Variants in GREM2 observed in about 807,000 individuals in gnomAD.
The protein encoded by GREM2 is gremlin-2.
A neutral mutation model predicts 14.2 loss-of-function variants in GREM2; 11 were observed. That is an observed-to-expected ratio of 0.78 (90% CI 0.49 to 1.28). GREM2 has a LOEUF of 1.28. Ranked by LOEUF, GREM2 falls within the 50% of genes most tolerant of loss-of-function variation. The pLI is 0.00. For synonymous variants in GREM2, 98 were observed against 97.6 expected, an observed-to-expected ratio of 1.00 and a Z score of -0.02; for missense variants, 210 against 218.5, an observed-to-expected ratio of 0.96 and a Z score of 0.24.
chr1:240,505,916 G>T (rs892803120), intron 1 of GREM2, among the ~76,000 whole-genome samples: 4 of 151,692 alleles, frequency 2.6e-5, no homozygotes, highest in African/African-American at 9.7e-5. Flanking sequence ...TATAATAGTG[G>T]GTATAAAATA....
chr1:240,575,925 G>C (rs1269757495), intron 1 of GREM2, among the ~76,000 whole-genome samples: 1 of 151,594 alleles, frequency 6.6e-6, no homozygotes, highest in Non-Finnish European at 1.5e-5. Context: ...AAAGATGGAG[G>C]GGGAGGGAAG....
chr1:240,501,732 G>C (rs1269718755), intron 1 of GREM2, among the ~76,000 whole-genome samples: 1 of 152,082 alleles, frequency 6.6e-6, no homozygotes, highest in Non-Finnish European at 1.5e-5. Context: ...TTGTGACCCC[G>C]TGTGACTCAC....
intron 1 of GREM2, among the ~76,000 whole-genome samples, chr1:240,555,077 A>C (rs1323619960): frequency 6.6e-6 from 1 of 152,090 alleles, no homozygotes; most frequent in Non-Finnish European, 1.5e-5. Flanking sequence ...CCCGGGAGGC[A>C]TGGGTTGCAG....
chr1:240,570,676 A>T (rs1174060150), intron 1 of GREM2, among the ~76,000 whole-genome samples: 3 of 152,206 alleles, frequency 2.0e-5, no homozygotes, highest in Non-Finnish European at 4.4e-5. Context: ...GTGAGAAGGG[A>T]ACTCATTTGG....
At chr1:240,505,598 C>CT (rs894224315) in intron 1 of GREM2, among the ~76,000 whole-genome samples, 16 of 151,774 alleles carry the variant, frequency 1.1e-4, no homozygotes, top group South Asian at 4.2e-4. Flanking sequence ...ATATTTATGC[C>CT]TTTTTTTATC....
intron 1 of GREM2, among the ~76,000 whole-genome samples, chr1:240,518,850 C>T (rs1678011863): frequency 6.6e-6 from 1 of 152,190 alleles, no homozygotes; most frequent in African/African-American, 2.4e-5. Context: ...TCTCAAAGTA[C>T]ATATTGTCTT....
intron 1 of GREM2, among the ~76,000 whole-genome samples, chr1:240,532,338 C>A (rs1378693206): frequency 1.3e-5 from 2 of 152,134 alleles, no homozygotes; most frequent in Admixed American, 1.3e-4. Context: ...CCTGCCTCGG[C>A]CTCCCAAAGT....
chr1:240,577,824 C>T (rs1362128099), intron 1 of GREM2, among the ~76,000 whole-genome samples: 2 of 152,182 alleles, frequency 1.3e-5, no homozygotes, highest in Non-Finnish European at 2.9e-5. Context: ...TGGAAATTCA[C>T]AATGAAAATA....
intron 1 of GREM2, among the ~76,000 whole-genome samples, chr1:240,519,404 T>C (rs780135760): frequency 6.6e-6 from 1 of 152,044 alleles, no homozygotes; most frequent in Admixed American, 6.6e-5. Context: ...GCTTCATCTC[T>C]ATCCTGGTAA....
intron 1 of GREM2, among the ~76,000 whole-genome samples, chr1:240,577,628 G>A (rs150473738): frequency 1.3e-5 from 2 of 152,280 alleles, no homozygotes; most frequent in African/African-American, 2.4e-5. Context: ...ATCATGAAAC[G>A]TATTTCTTTG....
chr1:240,517,487 A>G (rs1267320925), intron 1 of GREM2, among the ~76,000 whole-genome samples: 1 of 152,226 alleles, frequency 6.6e-6, no homozygotes, highest in Non-Finnish European at 1.5e-5. Context: ...ATACAAGGAG[A>G]ACTGAACTTC....
intron 1 of GREM2, among the ~76,000 whole-genome samples, chr1:240,525,357 G>A (rs1678197920): frequency 6.6e-6 from 1 of 152,152 alleles, no homozygotes; most frequent in Non-Finnish European, 1.5e-5. Flanking sequence ...TCTCAGCCTG[G>A]AGCCATGAGG....
In GREM2 at chr1:240,591,475, G is replaced by A. The variant is rs73115518; in HGVS notation, c.-2+20409C>T. On this transcript the variant is annotated intron_variant, in intron 1 of 1. Transcript: ENST00000318160. ...GGGCTGGTGTTGAGGAGGCCCATGT[G>A]TACAGAAGAGCTTACGTCTTTGGTA... Among the ~76,000 whole-genome samples, 1,362 of 152,324 alleles carry A rather than the reference G, an allele frequency of 8.9e-3. 19 individuals are homozygous for A. The highest frequency in any genetic ancestry group is 0.031 in the African/African-American group (1,297 of 41,580).
chr1:240,585,687 G>A (rs1679584193), intron 1 of GREM2, among the ~76,000 whole-genome samples: 1 of 133,556 alleles, frequency 7.5e-6, no homozygotes, highest in African/African-American at 2.9e-5. Flanking sequence ...CCGAGGTCAT[G>A]CCACTGTATT....
intron 1 of GREM2, among the ~76,000 whole-genome samples, chr1:240,520,488 A>G (rs1249746175): frequency 2.0e-5 from 3 of 152,228 alleles, no homozygotes; most frequent in Non-Finnish European, 4.4e-5. Context: ...GATGTTTCAT[A>G]AAAGTGTCTT....
intron 1 of GREM2, among the ~76,000 whole-genome samples, chr1:240,593,388 C>T (rs1571948131): frequency 1.3e-5 from 2 of 152,238 alleles, no homozygotes; most frequent in East Asian, 3.9e-4. Flanking sequence ...CTTCAGATTC[C>T]ACACACTGAG....
At chr1:240,515,549 T>C (rs573115570) in intron 1 of GREM2, among the ~76,000 whole-genome samples, 1 of 152,330 alleles carries the variant, frequency 6.6e-6, no homozygotes, top group Admixed American at 6.5e-5. Flanking sequence ...CTCATTTCCT[T>C]TCTCTCTCTG....
chr1:240,597,679 TAA>T (rs995031759), intron 1 of GREM2, among the ~76,000 whole-genome samples: 1 of 152,234 alleles, frequency 6.6e-6, no homozygotes, highest in Non-Finnish European at 1.5e-5. Flanking sequence ...AGAAACTCAA[TAA>T]ATGTTTGTTG....
intron 1 of GREM2, among the ~76,000 whole-genome samples, chr1:240,562,163 T>C (rs994849184): frequency 6.6e-6 from 1 of 152,200 alleles, no homozygotes; most frequent in Non-Finnish European, 1.5e-5. Context: ...AAGTGTGTGC[T>C]TGGGGTGACA....
Sources: allele counts gnomAD v4.1 joint callset (sites outside exome capture counted in the v4.1 genomes callset), GRCh38; gene constraint gnomAD v4.1.1; transcripts MANE v1.5; gene names NCBI Gene and HGNC (gene_info 2026-07-23, HGNC 2026-07-21).